BNC2: variants seen among roughly 807,000 people sequenced by gnomAD.
BNC2 encodes basonuclin zinc finger protein 2, also known as zinc finger protein basonuclin-2.
BNC2 carries 20 observed loss-of-function variants against 76.3 expected under a neutral mutation model. The ratio of observed to expected loss-of-function variants is 0.26; its 90% CI spans 0.18 to 0.38. The LOEUF is 0.38. BNC2 is among the 10% of genes least tolerant of loss of function. The probability of loss-of-function intolerance (pLI) is 1.00; values close to 1 mark genes in which losing one functional copy is unlikely to be tolerated. For missense variants in BNC2, 1,382 were observed against 1,399.8 expected, an observed-to-expected ratio of 0.99 and a Z score of 0.20; for synonymous variants, 582 against 514.8, an observed-to-expected ratio of 1.13 and a Z score of -1.77.
chr9:16,675,731 G>A (rs1193876995), intron 3 of BNC2, among the ~76,000 whole-genome samples: 1 of 152,052 alleles, frequency 6.6e-6, no homozygotes, highest in Non-Finnish European at 1.5e-5. Context: ...CTCTACCTTA[G>A]TTTCCAAATC....
intron 3 of BNC2, among the ~76,000 whole-genome samples, chr9:16,614,689 G>A (rs1248687121): frequency 6.6e-6 from 1 of 151,954 alleles, no homozygotes; most frequent in South Asian, 2.1e-4. Context: ...GCTCATGCCT[G>A]TAATTCCAGC....
At chr9:16,868,593 G>C (rs1031680197) in intron 1 of BNC2, among the ~76,000 whole-genome samples, 3 of 152,162 alleles carry the variant, frequency 2.0e-5, no homozygotes, top group African/African-American at 7.2e-5. Flanking sequence ...TTTCTCAAAA[G>C]ATACTCAAAA....
rs1450967730 is a variant in BNC2 at position 16,748,543 on chromosome 9, C to T, written c.4-10058G>A. On this transcript the variant is annotated intron_variant, in intron 1 of 6. Transcript: ENST00000380672. The stretch of plus-strand genomic sequence containing the variant: ...ATTTAAAAAGAAGGAATCCAGTAAA[C>T]AGAAAAAAAGGAGAATTTGCCCGGG... Among the ~76,000 whole-genome samples the T allele has an allele frequency of 2.7e-5, 4 of 150,878 alleles. No homozygotes were observed. In the East Asian group the frequency reaches 7.9e-4, roughly 30 times the overall value.
At chr9:16,737,808 G>T (rs1824722683) in intron 2 of BNC2, among the ~76,000 whole-genome samples, 1 of 152,078 alleles carries the variant, frequency 6.6e-6, no homozygotes, top group Non-Finnish European at 1.5e-5. Flanking sequence ...TCTGCATAGT[G>T]ATTGGCTTTG....
At chr9:16,869,070 AAAT>A (rs747190968) in intron 1 of BNC2, among the ~76,000 whole-genome samples, 14 of 152,148 alleles carry the variant, frequency 9.2e-5, no homozygotes, top group East Asian at 1.9e-4. Context: ...AAGGGAAGAA[AAAT>A]AATACCTGCC....
At chr9:16,439,297 C>G (rs1461288637) in intron 5 of BNC2, among the ~76,000 whole-genome samples, 1 of 152,070 alleles carries the variant, frequency 6.6e-6, no homozygotes, top group Non-Finnish European at 1.5e-5. Context: ...AATCATCAGG[C>G]AAACCAAAAT....
chr9:16,601,077 G>A (rs967577214), intron 3 of BNC2, among the ~76,000 whole-genome samples: 2 of 152,126 alleles, frequency 1.3e-5, no homozygotes, highest in Admixed American at 6.6e-5. Flanking sequence ...CGAAAACAAG[G>A]TTCCACAGCA....
At chr9:16,680,071 C>G (rs1428839250) in intron 3 of BNC2, among the ~76,000 whole-genome samples, 1 of 152,176 alleles carries the variant, frequency 6.6e-6, no homozygotes, top group African/African-American at 2.4e-5. Context: ...AGTTTGAAAT[C>G]ACTGTCCTCA....
intron 3 of BNC2, among the ~76,000 whole-genome samples, chr9:16,702,270 A>T (rs2134592027): frequency 6.6e-6 from 1 of 152,340 alleles, no homozygotes; most frequent in South Asian, 2.1e-4. Context: ...GCTGGAGTCT[A>T]ACTTGCAAAA....
rs377522502 is a variant in BNC2, at chr9:16,638,018, A to C, written c.331-54933T>G. 3.3e-5 allele frequency among the ~76,000 whole-genome samples: 5 copies of C among 152,342 alleles called. No individual in the cohort carries two copies. In the East Asian group the frequency reaches 9.6e-4, roughly 29 times the overall value. ...CACTGGGACATCATAGGCAACTATA[A>C]TTAGCAATGGATGACTCCGAGCAGG... On this transcript the variant is annotated intron_variant, in intron 3 of 6. Transcript: ENST00000380672.
chr9:16,772,841 A>G (rs1220576263), intron 1 of BNC2, among the ~76,000 whole-genome samples: 4 of 152,326 alleles, frequency 2.6e-5, no homozygotes, highest in East Asian at 1.9e-4. Flanking sequence ...TGTATATTCT[A>G]TGAAGACTGA....
intron 3 of BNC2, among the ~76,000 whole-genome samples, chr9:16,619,791 G>A (rs1486806484): frequency 6.6e-6 from 1 of 152,116 alleles, no homozygotes; most frequent in Non-Finnish European, 1.5e-5. Flanking sequence ...CACTCTAAGG[G>A]CACTGTATAG....
chr9:16,755,601 C>G (rs1403077161), intron 1 of BNC2, among the ~76,000 whole-genome samples: 1 of 152,080 alleles, frequency 6.6e-6, no homozygotes, highest in Non-Finnish European at 1.5e-5. Flanking sequence ...TCCCAGGGTT[C>G]AGTACTACCT....
chr9:16,650,556 T>A (rs1175548848), intron 3 of BNC2, among the ~76,000 whole-genome samples: 5 of 151,962 alleles, frequency 3.3e-5, no homozygotes, highest in Non-Finnish European at 5.9e-5. Context: ...AATTTTTTTT[T>A]ATTTTTTTTA....
chr9:16,789,038 G>C (rs949769395), intron 1 of BNC2, among the ~76,000 whole-genome samples: 1 of 152,128 alleles, frequency 6.6e-6, no homozygotes, highest in Non-Finnish European at 1.5e-5. Context: ...AAATCTCACA[G>C]ATAATTCTGC....
rs56038950 is a variant in BNC2, at chr9:16,665,434, AAAAGAAAGAAAGAAAGAAAGAAAGAAAG to A, written c.330+62335_330+62362del. On this transcript the variant is annotated intron_variant, in intron 3 of 6. Coordinates refer to ENST00000380672, the MANE Select transcript of BNC2 (RefSeq NM_017637.6). ...AGAAAAGAAAGGAAAGAAAGGAAAG[AAAAGAAAGAAAGAAAGAAAGAAAGAAAG>A]AAAGAAAGAAAGAAAGAAAGAAAGA... Among the ~76,000 whole-genome samples the A allele has an allele frequency of 4.7e-3, 543 of 116,088 alleles. 5 individuals carry two copies. Among genetic ancestry groups the A allele is most frequent in the African/African-American group, 0.017 (497 of 29,316 alleles). 76.2% of individuals were successfully genotyped at this position (116,088 alleles called of 152,430 possible).
intron 1 of BNC2, chr9:16,868,170 C>T (rs1039457384): frequency 2.0e-5 from 3 of 152,130 alleles, no homozygotes; most frequent in African/African-American, 7.2e-5. Context: ...GGTCTTGGAG[C>T]TGTGCAGATA....
intron 1 of BNC2, among the ~76,000 whole-genome samples, chr9:16,826,812 A>G (rs1390165096): frequency 2.6e-5 from 4 of 152,172 alleles, no homozygotes; most frequent in Admixed American, 6.5e-5. Flanking sequence ...AGATGAAATG[A>G]TGGATGGATA....
At chr9:16,455,095 T>C (rs1821418701) in intron 5 of BNC2, among the ~76,000 whole-genome samples, 1 of 152,158 alleles carries the variant, frequency 6.6e-6, no homozygotes, top group African/African-American at 2.4e-5. Context: ...GAGAAATGAA[T>C]ATACATTTAA....
Sources: gnomAD v4.1 joint callset for allele counts (sites outside exome capture counted in the v4.1 genomes callset) on GRCh38, gnomAD v4.1.1 for gene constraint, MANE v1.5 for transcripts, NCBI Gene and HGNC (gene_info 2026-07-23, HGNC 2026-07-21) for gene names.